Variants in PLGRKT observed in about 807,000 individuals in gnomAD.
PLGRKT encodes plasminogen receptor (KT).
A neutral mutation model predicts 18.5 loss-of-function variants in PLGRKT; 22 were observed. The ratio of observed to expected loss-of-function variants is 1.19; its 90% CI spans 0.85 to 1.70. The LOEUF is 1.70. Among genes scored for constraint, PLGRKT ranks in the 40% most tolerant of loss-of-function variants. PLGRKT has a pLI of 0.00. For missense variants in PLGRKT, 235 were observed against 174.4 expected (o/e 1.35, Z -1.96); for synonymous variants, 72 against 52.8 (o/e 1.36, Z -1.58).
intron 3 of PLGRKT, among the ~76,000 whole-genome samples, chr9:5,390,580 A>C (rs1817932483): frequency 6.6e-6 from 1 of 151,862 alleles, no homozygotes; most frequent in Non-Finnish European, 1.5e-5. Context: ...TCAGCAAATC[A>C]AGTTGGGGTT....
intron 3 of PLGRKT, among the ~76,000 whole-genome samples, chr9:5,421,829 C>T (rs1385266204): frequency 2.0e-5 from 3 of 152,154 alleles, no homozygotes; most frequent in Non-Finnish European, 4.4e-5. Context: ...ATCTAAGGGA[C>T]ATAGGAATCA....
intron 2 of PLGRKT, among the ~76,000 whole-genome samples, chr9:5,435,676 A>T (rs1167558345): frequency 3.3e-5 from 5 of 152,262 alleles, no homozygotes; most frequent in Non-Finnish European, 7.3e-5. Flanking sequence ...TGGGTACAGA[A>T]GACCTTGAGT....
intron 3 of PLGRKT, among the ~76,000 whole-genome samples, chr9:5,421,702 C>G (rs1378637394): frequency 6.6e-6 from 1 of 152,194 alleles, no homozygotes; most frequent in East Asian, 1.9e-4. Context: ...ACTTAATCCT[C>G]AGAGTAACCC....
At chr9:5,402,607 A>G (rs796489016) in intron 3 of PLGRKT, among the ~76,000 whole-genome samples, 13 of 152,016 alleles carry the variant, frequency 8.6e-5, no homozygotes, top group African/African-American at 2.9e-4. Flanking sequence ...TCAGACTCAG[A>G]GCACAGGGCA....
chr9:5,390,450 G>A (rs1486491147), intron 3 of PLGRKT, among the ~76,000 whole-genome samples: 1 of 151,870 alleles, frequency 6.6e-6, no homozygotes, highest in East Asian at 1.9e-4. Flanking sequence ...GGCTGAGGGG[G>A]CTGAAGACCC....
chr9:5,389,391 T>C lies in PLGRKT; in HGVS notation c.82-27503A>G, dbSNP rs1817904572. Among the ~76,000 whole-genome samples, 3 of 152,002 alleles carry C rather than the reference T, an allele frequency of 2.0e-5. No individual in the cohort carries two copies. The South Asian group carries it at 6.2e-4, about 32-fold the overall frequency. ...GCATGGTCTTGTCTGATGGTGCTGATCTATGAAATTGTTTATGTTCTGCAG... is the reference window on the plus strand; with the variant it reads ...GCATGGTCTTGTCTGATGGTGCTGACCTATGAAATTGTTTATGTTCTGCAG... On this transcript the variant is annotated intron_variant, in intron 3 of 5. Transcript: ENST00000223864.
At chr9:5,414,806 C>T (rs1051884698) in intron 3 of PLGRKT, among the ~76,000 whole-genome samples, 1 of 151,978 alleles carries the variant, frequency 6.6e-6, no homozygotes. Context: ...GTAAGTGTCC[C>T]AGTACCTGAG....
At chr9:5,367,096 G>A (rs1462799857) in intron 3 of PLGRKT, among the ~76,000 whole-genome samples, 2 of 146,956 alleles carry the variant, frequency 1.4e-5, no homozygotes, top group Admixed American at 6.8e-5. Context: ...ATCAGAGACA[G>A]CACAAACAAA....
At chr9:5,428,538 C>CA (rs1171679178) in intron 3 of PLGRKT, among the ~76,000 whole-genome samples, 10 of 152,180 alleles carry the variant, frequency 6.6e-5, no homozygotes, top group Non-Finnish European at 1.2e-4. Flanking sequence ...GGCCAGAGAA[C>CA]ACAGGACAGG....
chr9:5,431,550 AAAAAG>A (rs1349577227), intron 3 of PLGRKT, among the ~76,000 whole-genome samples: 1 of 151,406 alleles, frequency 6.6e-6, no homozygotes, highest in Non-Finnish European at 1.5e-5. Flanking sequence ...AAAAAAAAAA[AAAAAG>A]ACAGACCCTT....
chr9:5,391,935 AC>A (rs1817956688), intron 3 of PLGRKT, among the ~76,000 whole-genome samples: 1 of 151,878 alleles, frequency 6.6e-6, no homozygotes, highest in Admixed American at 6.6e-5. Context: ...TCTCAGTTGA[AC>A]AATTCAAGGC....
chr9:5,383,665 A>G lies in PLGRKT; in HGVS notation c.82-21777T>C, dbSNP rs187017034. On this transcript the variant is annotated intron_variant, in intron 3 of 5. Transcript: ENST00000223864. Reference sequence around the variant, plus strand: ...ACAGGTCATCAGGCATTAGATTCTCATAAGGAGCATGCAACCTACATCCCT... The same window carrying G: ...ACAGGTCATCAGGCATTAGATTCTCGTAAGGAGCATGCAACCTACATCCCT... Among the ~76,000 whole-genome samples, 27 of 152,138 alleles carry G rather than the reference A, an allele frequency of 1.8e-4. 1 individual carries two copies. The East Asian group carries it at 3.5e-3, about 20-fold the overall frequency.
chr9:5,403,358 G>C (rs1330376943), intron 3 of PLGRKT, among the ~76,000 whole-genome samples: 2 of 151,696 alleles, frequency 1.3e-5, no homozygotes, highest in African/African-American at 4.9e-5. Flanking sequence ...TGAGTAGCTG[G>C]GATTACAGGC....
At chr9:5,392,155 G>A (rs750854304) in intron 3 of PLGRKT, among the ~76,000 whole-genome samples, 4 of 151,898 alleles carry the variant, frequency 2.6e-5, no homozygotes, top group Non-Finnish European at 5.9e-5. Context: ...AATCTCAGAC[G>A]CTGTAATAGC....
intron 2 of PLGRKT, among the ~76,000 whole-genome samples, chr9:5,432,497 C>T (rs1197180404): frequency 6.6e-6 from 1 of 151,720 alleles, no homozygotes; most frequent in Non-Finnish European, 1.5e-5. Context: ...CTCCCTCTCC[C>T]TCCCCCTCCC....
At chr9:5,373,003 C>T (rs948408585) in intron 3 of PLGRKT, among the ~76,000 whole-genome samples, 2 of 152,090 alleles carry the variant, frequency 1.3e-5, no homozygotes, top group Non-Finnish European at 2.9e-5. Flanking sequence ...CAAAGTTTGC[C>T]GTCTACTTGC....
chr9:5,382,425 G>C (rs993397373), intron 3 of PLGRKT, among the ~76,000 whole-genome samples: 12 of 152,210 alleles, frequency 7.9e-5, no homozygotes. Context: ...GGTGAGGGGA[G>C]ATAGGAATGA....
At chr9:5,390,237 ATGTG>A (rs377656002) in intron 3 of PLGRKT, among the ~76,000 whole-genome samples, 300 of 80,844 alleles carry the variant, frequency 3.7e-3, no homozygotes, top group Non-Finnish European at 8.2e-4. Flanking sequence ...GTGTGTGTGT[ATGTG>A]TATATATATA....
At chr9:5,409,049 G>A (rs1818310534) in intron 3 of PLGRKT, among the ~76,000 whole-genome samples, 1 of 152,216 alleles carries the variant, frequency 6.6e-6, no homozygotes, top group African/African-American at 2.4e-5. Flanking sequence ...GGATGTCCAG[G>A]CAGAAGCCTG....
Sources: gnomAD v4.1 joint callset for allele counts (sites outside exome capture counted in the v4.1 genomes callset) on GRCh38, gnomAD v4.1.1 for gene constraint, MANE v1.5 for transcripts, NCBI Gene and HGNC (gene_info 2026-07-23, HGNC 2026-07-21) for gene names.